The following PRKDC variants were observed in gnomAD, a reference collection of about 807,000 sequenced individuals.
The protein encoded by PRKDC is protein kinase, DNA-activated, catalytic subunit.
A neutral mutation model predicts 486.9 loss-of-function variants in PRKDC; 82 were observed. The ratio of observed to expected loss-of-function variants is 0.17; its 90% CI spans 0.14 to 0.20. The LOEUF (loss-of-function observed/expected upper bound fraction) is 0.20, where lower values mean the gene tolerates loss of function less well. Among genes scored for constraint, PRKDC ranks in the 10% least tolerant of loss-of-function variants. The pLI is 1.00. For synonymous variants in PRKDC, 1,895 were observed against 1,837.0 expected (o/e 1.03, Z -0.81); for missense variants, 4,504 against 5,038.2 (o/e 0.89, Z 3.21).
chr8:47,953,766 A>G (rs758951922), intron 6 of PRKDC, 41 bp downstream of exon 6: 6 of 1,581,880 alleles, frequency 3.8e-6, no homozygotes, highest in African/African-American at 1.3e-5. Context: ...GAAAAACACA[A>G]CCACATCTAT....
rs372202384 is a variant in PRKDC, at chr8:47,828,175, C to G, written c.8570G>C (p.Cys2857Ser). 17 of 1,613,040 alleles carry G rather than the reference C, an allele frequency of 1.1e-5. No individual in the cohort carries two copies. The highest frequency in any genetic ancestry group is 6.7e-5 in the African/African-American group (5 of 74,860). Residue 2857 changes from cysteine to serine, a missense_variant, in exon 62 of 86, where the codon TGT becomes TCT. Cys to Ser is a moderately radical substitution (Grantham distance 112, BLOSUM62 -1). Transcript: ENST00000314191. Reference sequence around the variant, plus strand: ...AGTGTGTGCAGACTTTACCTGAATACAAGAGACAAAGGGTGGAAAGAAAGA... The same window carrying G: ...AGTGTGTGCAGACTTTACCTGAATAGAAGAGACAAAGGGTGGAAAGAAAGA... ...TFSFFPPFVS[C>S]IQDISCQHAA...
chr8:47,917,538 C>T (rs192405931), intron 22 of PRKDC, among the ~76,000 whole-genome samples: 104 of 152,236 alleles, frequency 6.8e-4, no homozygotes, highest in Non-Finnish European at 1.3e-3. Context: ...TCTCTATTTA[C>T]GTCATATTTT....
chr8:47,822,380 C>T (rs898038809), intron 64 of PRKDC, among the ~76,000 whole-genome samples: 3 of 152,020 alleles, frequency 2.0e-5, no homozygotes, highest in Non-Finnish European at 2.9e-5. Context: ...AGACTGAAGA[C>T]TTTCAATCAC....
chr8:47,897,342 A>T (rs1185975574), intron 29 of PRKDC, 48 bp from the exon 30 acceptor site: 6 of 1,488,250 alleles, frequency 4.0e-6, no homozygotes, highest in Non-Finnish European at 5.4e-6. Context: ...AACATGCAAC[A>T]TTCAGCTACC....
At chr8:47,785,048 C>T (rs2086767552) in intron 77 of PRKDC, 65 bp downstream of exon 77, 14 of 1,480,966 alleles carry the variant, frequency 9.5e-6, no homozygotes, top group Middle Eastern at 1.7e-4. Context: ...CCAGAAACCA[C>T]GAGTTCTTAT....
chr8:47,879,637 G>C lies in PRKDC; in HGVS notation c.5089C>G (p.Pro1697Ala). Reference sequence around the variant, plus strand: ...CCTCCAGTGAGGCTGGTGAAGAATGGAAGAAGAGTGACAGCTTGGCCCTGT... The same window carrying C: ...CCTCCAGTGAGGCTGGTGAAGAATGCAAGAAGAGTGACAGCTTGGCCCTGT... Reference protein sequence around the residue: ...HLKGQAVTLLPFFTSLTGGSL... With the variant: ...HLKGQAVTLLAFFTSLTGGSL... Residue 1697 changes from proline to alanine, a missense_variant, in exon 39 of 86, where the codon CCA becomes GCA. Pro to Ala is a conservative substitution (Grantham distance 27). This residue lies in a region of PRKDC where 1,969 missense variants were observed against 2,068.9 expected (regional missense o/e 0.95). Transcript: ENST00000314191. 2.5e-6 allele frequency: 4 copies of C among 1,583,026 alleles called. No homozygotes were observed. Among genetic ancestry groups the C allele is most frequent in the Non-Finnish European group, 3.4e-6 (4 of 1,167,164 alleles).
chr8:47,952,994 T>A (rs902685469), intron 7 of PRKDC, among the ~76,000 whole-genome samples: 11 of 151,864 alleles, frequency 7.2e-5, no homozygotes, highest in Non-Finnish European at 1.0e-4. Flanking sequence ...ACAAAAAAAA[T>A]TTGCCATTTA....
intron 52 of PRKDC, among the ~76,000 whole-genome samples, chr8:47,851,198 CAG>C (rs2088395225): frequency 6.6e-6 from 1 of 152,302 alleles, no homozygotes; most frequent in East Asian, 1.9e-4. Flanking sequence ...ATACGTAAAA[CAG>C]AAGTGTTTTT....
chr8:47,828,152 T>G lies in PRKDC; in HGVS notation c.8577+16A>C. On this transcript the variant is annotated intron_variant, in intron 62 of 85. Coordinates refer to ENST00000314191, the MANE Select transcript of PRKDC (RefSeq NM_006904.7). ...AGCAAACAATGTATATTTGATGAAG[T>G]GTGTGCAGACTTTACCTGAATACAA... The G allele has an allele frequency of 6.2e-7, 1 of 1,603,852 alleles. No homozygotes were observed. Among genetic ancestry groups the G allele is most frequent in the East Asian group, 2.2e-5 (1 of 44,776 alleles).
At chr8:47,938,271 G>A (rs1187634884) in intron 11 of PRKDC, among the ~76,000 whole-genome samples, 2 of 151,924 alleles carry the variant, frequency 1.3e-5, no homozygotes, top group African/African-American at 4.8e-5. Flanking sequence ...AAATACCCAG[G>A]TGTGGTGGAG....
chr8:47,791,998 G>A (rs2086890537), intron 74 of PRKDC, among the ~76,000 whole-genome samples: 1 of 152,092 alleles, frequency 6.6e-6, no homozygotes, highest in African/African-American at 2.4e-5. Context: ...ACATGCAATA[G>A]AGTACTATTT....
intron 44 of PRKDC, 139 bp downstream of exon 44, chr8:47,861,923 G>C: frequency 1.5e-6 from 1 of 660,460 alleles, no homozygotes; most frequent in Non-Finnish European, 2.5e-6. Context: ...ACAATTGCCA[G>C]ATTTTATAGA....
At chr8:47,879,685 C>G in intron 38 of PRKDC, 27 bp from the exon 39 acceptor site, 1 of 1,503,714 alleles carries the variant, frequency 6.7e-7, no homozygotes, top group Non-Finnish European at 8.8e-7. Flanking sequence ...ACATAAGAAA[C>G]TGCACGAATT....
intron 30 of PRKDC, among the ~76,000 whole-genome samples, chr8:47,894,040 G>A (rs139416994): frequency 2.6e-5 from 4 of 152,082 alleles, no homozygotes; most frequent in East Asian, 1.9e-4. Context: ...CAGCACTTTG[G>A]GGGGCTGAGA....
At chr8:47,910,883 C>T (rs1338181364) in intron 25 of PRKDC, among the ~76,000 whole-genome samples, 1 of 151,080 alleles carries the variant, frequency 6.6e-6, no homozygotes, top group Non-Finnish European at 1.5e-5. Context: ...ACATATTTTC[C>T]AAGTGGTCAA....
At chr8:47,788,806 AATG>A (rs2086836152) in intron 76 of PRKDC, 97 bp downstream of exon 76, 1 of 1,156,562 alleles carries the variant, frequency 8.6e-7, no homozygotes. Context: ...CTGTTAAATT[AATG>A]ATTACATTTA....
Position 47,782,598 on chromosome 8 carries a change from C to T in PRKDC, c.11176G>A (p.Val3726Met). The T allele has an allele frequency of 6.4e-7, 1 of 1,555,252 alleles. No homozygotes were observed. The highest frequency in any genetic ancestry group is 8.7e-7 in the Non-Finnish European group (1 of 1,149,418). ...HVRIAGFDERVTVMASLRRPK... is the reference protein window; with the variant it reads ...HVRIAGFDERMTVMASLRRPK... ...CTTCGCAGAGACGCCATGACTGTCACCTTCAAAAATCAGAATGTCATCTCA... is the reference window on the plus strand; with the variant it reads ...CTTCGCAGAGACGCCATGACTGTCATCTTCAAAAATCAGAATGTCATCTCA... The change falls in exon 79 of 86, where the codon GTG becomes ATG. Residue 3726 changes from valine (V) to methionine (M), a missense_variant and splice_region_variant. Around this residue, in one of 6 missense-constraint regions of PRKDC, gnomAD observed 706 missense variants for 945.0 expected, o/e 0.75. Transcript: ENST00000314191. This position sits in a 1 kb window ranked among gnomAD's most constrained non-coding sequence, Gnocchi z 4.9.
chr8:47,775,594 T>G (rs191019823), intron 85 of PRKDC, among the ~76,000 whole-genome samples: 1 of 152,010 alleles, frequency 6.6e-6, no homozygotes, highest in Admixed American at 6.6e-5. Context: ...AGAGTTTTTT[T>G]AATGTATTCT....
intron 11 of PRKDC, among the ~76,000 whole-genome samples, chr8:47,936,782 ATTTT>A (rs869164665): frequency 7.8e-6 from 1 of 128,672 alleles, no homozygotes; most frequent in African/African-American, 2.9e-5. Context: ...ACGCCTGGCT[ATTTT>A]TTTTTTTTTT....
Sources: allele counts gnomAD v4.1 joint callset (sites outside exome capture counted in the v4.1 genomes callset), GRCh38; gene constraint gnomAD v4.1.1; regional missense constraint gnomAD v4.1.1; non-coding constraint Gnocchi (gnomAD v3.1); transcripts MANE v1.5; gene names NCBI Gene and HGNC (gene_info 2026-07-23, HGNC 2026-07-21).